Variants in PSD3 observed in about 807,000 individuals in gnomAD.
The protein encoded by PSD3 is pleckstrin and Sec7 domain containing 3.
In PSD3, 49 loss-of-function variants were observed where a neutral mutation model predicts 105.5. That is an observed-to-expected ratio of 0.46 (90% CI 0.37 to 0.59). PSD3 has a LOEUF of 0.59. Among genes scored for constraint, PSD3 ranks in the 20% least tolerant of loss-of-function variants. The pLI, the probability that PSD3 is intolerant of heterozygous loss-of-function variation, is 0.00. For missense variants in PSD3, 1,561 were observed against 1,263.8 expected, an observed-to-expected ratio of 1.24 and a Z score of -3.57; for synonymous variants, 557 against 457.8, an observed-to-expected ratio of 1.22 and a Z score of -2.77.
intron 9 of PSD3, among the ~76,000 whole-genome samples, chr8:18,691,543 T>C (rs1800973215): frequency 6.6e-6 from 1 of 152,238 alleles, no homozygotes; most frequent in Non-Finnish European, 1.5e-5. Context: ...AAGGTATTCT[T>C]AATTCTAGCC....
intron 11 of PSD3, among the ~76,000 whole-genome samples, chr8:18,608,277 A>G (rs1179194118): frequency 2.0e-5 from 3 of 152,186 alleles, no homozygotes; most frequent in Non-Finnish European, 4.4e-5. Flanking sequence ...TGGGAAAAGC[A>G]CTGTTCCAGT....
At chr8:18,614,262 G>A (rs17596758) in intron 11 of PSD3, among the ~76,000 whole-genome samples, 4,997 of 152,026 alleles carry the variant, frequency 0.033, 78 homozygotes, top group East Asian at 0.058. Context: ...AGCTTCTCCA[G>A]CATTAGAATA....
chr8:18,912,838 A>C (rs1820321473), intron 2 of PSD3, among the ~76,000 whole-genome samples: 1 of 152,136 alleles, frequency 6.6e-6, no homozygotes, highest in African/African-American at 2.4e-5. Context: ...ATTCCCAAAA[A>C]ACATTTTCAT....
At chr8:18,954,613 A>T (rs888506459) in intron 1 of PSD3, among the ~76,000 whole-genome samples, 5 of 152,198 alleles carry the variant, frequency 3.3e-5, no homozygotes, top group African/African-American at 1.2e-4. Flanking sequence ...TGTCTATCAT[A>T]TTCCAATTTC....
intron 1 of PSD3, among the ~76,000 whole-genome samples, chr8:19,021,605 C>G (rs1827365069): frequency 6.6e-6 from 1 of 150,476 alleles, no homozygotes; most frequent in Admixed American, 6.6e-5. Context: ...AAGAGAAAAT[C>G]TAATGAAATC....
intron 14 of PSD3, 37 bp downstream of exon 14, chr8:18,572,491 C>CT: frequency 6.3e-7 from 1 of 1,595,818 alleles, no homozygotes; most frequent in Non-Finnish European, 8.6e-7. Context: ...TTACAAAGTA[C>CT]TTTTTCCCAA....
chr8:19,039,714 C>G (rs112898604), intron 1 of PSD3, among the ~76,000 whole-genome samples: 7 of 152,278 alleles, frequency 4.6e-5, no homozygotes, highest in African/African-American at 1.7e-4. Context: ...CCCACATAAA[C>G]AGCCTTCAAA....
At chr8:19,006,791 A>T (rs972704625) in intron 1 of PSD3, among the ~76,000 whole-genome samples, 6 of 152,108 alleles carry the variant, frequency 3.9e-5, no homozygotes, top group Non-Finnish European at 8.8e-5. Flanking sequence ...TTTTCCTGTC[A>T]ATTTCATCTA....
At chr8:18,977,713 T>G (rs1825020665) in intron 1 of PSD3, among the ~76,000 whole-genome samples, 1 of 152,166 alleles carries the variant, frequency 6.6e-6, no homozygotes. Context: ...GTTATGTAAA[T>G]AAGTGTACAT....
At chr8:18,830,939 T>C (rs1265919752) in intron 4 of PSD3, among the ~76,000 whole-genome samples, 1 of 152,214 alleles carries the variant, frequency 6.6e-6, no homozygotes, top group Non-Finnish European at 1.5e-5. Flanking sequence ...CCTGAAACCA[T>C]TCATTCTAGG....
At chr8:18,771,331 C>G (rs938515934) in intron 8 of PSD3, among the ~76,000 whole-genome samples, 3 of 152,230 alleles carry the variant, frequency 2.0e-5, no homozygotes, top group African/African-American at 7.2e-5. Flanking sequence ...CCTCTTGTCC[C>G]TATCACTTTG....
At chr8:18,954,780 A>G (rs918816282) in intron 1 of PSD3, among the ~76,000 whole-genome samples, 1 of 152,192 alleles carries the variant, frequency 6.6e-6, no homozygotes, top group Non-Finnish European at 1.5e-5. Flanking sequence ...AAGATTCTGT[A>G]TCCCTGCCAA....
Position 18,780,011 on chromosome 8 carries a change from G to C in PSD3, c.2083-14473C>G, listed in dbSNP as rs528654707. Among the ~76,000 whole-genome samples the C allele has an allele frequency of 5.3e-5, 8 of 152,306 alleles. No homozygotes were observed. In the South Asian group the frequency reaches 1.0e-3, roughly 20 times the overall value. ...GGCTAGATGATCAGTCCAAGGCTGA[G>C]AGTCAGTTGTTGAAGACACCTAATC... is the stretch of plus-strand genomic sequence containing the variant. On this transcript the variant is annotated intron_variant, in intron 8 of 15. Coordinates refer to ENST00000327040, the MANE Select transcript of PSD3 (RefSeq NM_015310.4).
intron 2 of PSD3, among the ~76,000 whole-genome samples, chr8:18,889,970 TA>T (rs979552294): frequency 6.6e-6 from 1 of 152,212 alleles, no homozygotes; most frequent in Admixed American, 6.5e-5. Context: ...GTGTTATTTC[TA>T]AAAAATTTCA....
At chr8:18,581,760 C>T (rs1348577296) in intron 12 of PSD3, among the ~76,000 whole-genome samples, 2 of 152,200 alleles carry the variant, frequency 1.3e-5, no homozygotes, top group African/African-American at 2.4e-5. Context: ...ACTGTCAGGA[C>T]AAGTGTTTTC....
intron 1 of PSD3, among the ~76,000 whole-genome samples, chr8:19,052,549 G>C (rs998393162): frequency 1.3e-5 from 2 of 152,142 alleles, no homozygotes; most frequent in African/African-American, 4.8e-5. Flanking sequence ...CTGAGAATTG[G>C]TTTAGTCTGG....
At chr8:18,995,020 G>A (rs192750021) in intron 1 of PSD3, among the ~76,000 whole-genome samples, 8 of 151,802 alleles carry the variant, frequency 5.3e-5, no homozygotes, top group Middle Eastern at 3.4e-3. Context: ...ACTTTCAAAG[G>A]TTTATTCTAT....
chr8:18,774,295 T>C (rs1563250423), intron 8 of PSD3, among the ~76,000 whole-genome samples: 1 of 152,232 alleles, frequency 6.6e-6, no homozygotes, highest in African/African-American at 2.4e-5. Flanking sequence ...TATCTTGATA[T>C]ATGTATATAT....
chr8:18,939,467 T>C (rs963526434), intron 1 of PSD3, among the ~76,000 whole-genome samples: 1 of 152,078 alleles, frequency 6.6e-6, no homozygotes, highest in Admixed American at 6.6e-5. Context: ...GAAATGATAA[T>C]AGTTACTAGA....
Sources: allele counts gnomAD v4.1 joint callset (sites outside exome capture counted in the v4.1 genomes callset), GRCh38; gene constraint gnomAD v4.1.1; transcripts MANE v1.5; gene names NCBI Gene and HGNC (gene_info 2026-07-23, HGNC 2026-07-21).